The following GRIN2B variants were observed in gnomAD, a reference collection of about 807,000 sequenced individuals.
The protein encoded by GRIN2B is glutamate receptor ionotropic, NMDA 2B.
A neutral mutation model predicts 114.5 loss-of-function variants in GRIN2B; 5 were observed. The ratio of observed to expected loss-of-function variants is 0.04; its 90% confidence interval spans 0.02 to 0.09. The LOEUF (loss-of-function observed/expected upper bound fraction) is 0.09. Among genes scored for constraint, GRIN2B ranks in the 10% least tolerant of loss-of-function variants. GRIN2B has a pLI of 1.00. For synonymous variants in GRIN2B, 787 were observed against 745.1 expected (o/e 1.06, Z -0.92); for missense variants, 1,108 against 1,943.5 (o/e 0.57, Z 8.08).
intron 4 of GRIN2B, among the ~76,000 whole-genome samples, chr12:13,696,170 A>G (rs948620883): frequency 6.6e-6 from 1 of 152,172 alleles, no homozygotes; most frequent in African/African-American, 2.4e-5. Context: ...AGCATTAATG[A>G]AGACCAAGAA....
intron 4 of GRIN2B, among the ~76,000 whole-genome samples, chr12:13,706,557 A>T (rs1399893423): frequency 6.6e-6 from 1 of 152,114 alleles, no homozygotes; most frequent in African/African-American, 2.4e-5. Context: ...ATGTTGCTGT[A>T]TGGACAGCAG....
At chr12:13,600,466 A>G (rs945587433) in intron 10 of GRIN2B, among the ~76,000 whole-genome samples, 1 of 151,722 alleles carries the variant, frequency 6.6e-6, no homozygotes, top group African/African-American at 2.4e-5. Flanking sequence ...TGGTACCTTT[A>G]TGTAGTCTTG....
rs980672613 is a variant in GRIN2B at position 13,926,494 on chromosome 12, G to C, written c.-19+53434C>G. Among the ~76,000 whole-genome samples, 8 of 152,106 alleles carry C rather than the reference G, an allele frequency of 5.3e-5. No individual in the cohort carries two copies. The East Asian group carries it at 1.5e-3, about 29-fold the overall frequency. On this transcript the variant is annotated intron_variant, in intron 2 of 13. Transcript: ENST00000609686. The stretch of plus-strand genomic sequence containing the variant: ...CATGTGCTCAGAGACCACCTTGTAC[G>C]ATAACCCTCCTTCCCCAGTTTCTCC...
intron 10 of GRIN2B, among the ~76,000 whole-genome samples, chr12:13,600,998 G>T (rs147605764): frequency 6.6e-6 from 1 of 152,190 alleles, no homozygotes; most frequent in African/African-American, 2.4e-5. Context: ...AAGGAGAGGG[G>T]AACTGAATCT....
At chr12:13,739,871 G>A (rs1167818839) in intron 4 of GRIN2B, among the ~76,000 whole-genome samples, 1 of 152,198 alleles carries the variant, frequency 6.6e-6, no homozygotes, top group African/African-American at 2.4e-5. Flanking sequence ...ACGCTGCTGA[G>A]TAGCACCGGG....
intron 12 of GRIN2B, among the ~76,000 whole-genome samples, chr12:13,568,322 TG>T (rs1306495936): frequency 3.3e-5 from 5 of 152,164 alleles, no homozygotes; most frequent in African/African-American, 1.2e-4. Context: ...TGGAGAAAAT[TG>T]CCTATTCCCA....
chr12:13,759,855 G>A (rs1172362039), intron 3 of GRIN2B, among the ~76,000 whole-genome samples: 1 of 152,138 alleles, frequency 6.6e-6, no homozygotes, highest in Admixed American at 6.5e-5. Context: ...TCCCATATTG[G>A]CCCTTGGGTC....
At chr12:13,728,233 T>G (rs993823367) in intron 4 of GRIN2B, among the ~76,000 whole-genome samples, 5 of 152,240 alleles carry the variant, frequency 3.3e-5, no homozygotes, top group Non-Finnish European at 5.9e-5. Context: ...CTCAGATTCA[T>G]GCACTGAGTA....
chr12:13,703,945 C>T (rs892658079), intron 4 of GRIN2B, among the ~76,000 whole-genome samples: 1 of 152,166 alleles, frequency 6.6e-6, no homozygotes, highest in Non-Finnish European at 1.5e-5. Context: ...ATACAGATTC[C>T]TCATACATTC....
chr12:13,749,180 T>C (rs1288727800), intron 4 of GRIN2B, among the ~76,000 whole-genome samples: 1 of 152,230 alleles, frequency 6.6e-6, no homozygotes, highest in African/African-American at 2.4e-5. Context: ...CATAAAAATA[T>C]ATTCTTCCTT....
At position 13,564,286 on chromosome 12, in the gene GRIN2B, G is replaced by A. The variant is rs1948604218; in HGVS notation, c.2952C>T (p.His984=). ...TATGGGGCCGGTGGTGATGGTGGTA[G>A]TGATCTTGGTACACGTTGCTGTCCT... is the stretch of plus-strand genomic sequence containing the variant. ...QLKDSNVYQD[H]YHHHHRPHSI... is the part of the protein sequence containing the mutation. Residue 984 remains histidine, a synonymous_variant, in exon 14 of 14, where the codon CAC becomes CAT. Coordinates refer to ENST00000609686, the MANE Select transcript of GRIN2B (RefSeq NM_000834.5). This position sits in a 1 kb window ranked among gnomAD's most constrained non-coding sequence, Gnocchi z 4.8. 1 of 1,614,192 alleles carries A rather than the reference G, an allele frequency of 6.2e-7. No homozygotes were observed. Among genetic ancestry groups the A allele is most frequent in the Non-Finnish European group, 8.5e-7 (1 of 1,180,032 alleles).
chr12:13,936,986 T>C (rs1172264150), intron 2 of GRIN2B, among the ~76,000 whole-genome samples: 2 of 151,754 alleles, frequency 1.3e-5, no homozygotes, highest in African/African-American at 4.8e-5. Context: ...ATAATATCAT[T>C]GATCTATTCT....
intron 5 of GRIN2B, among the ~76,000 whole-genome samples, chr12:13,671,125 G>T (rs1950018495): frequency 6.6e-6 from 1 of 152,042 alleles, no homozygotes; most frequent in South Asian, 2.1e-4. Context: ...CTTTTTACTG[G>T]ATACTCTTTT....
chr12:13,605,678 T>C (rs1480700954), intron 10 of GRIN2B, among the ~76,000 whole-genome samples: 1 of 152,052 alleles, frequency 6.6e-6, no homozygotes, highest in Non-Finnish European at 1.5e-5. Flanking sequence ...TCCTGTCCGC[T>C]TTAAGAAGCC....
At chr12:13,703,728 G>A (rs1950332739) in intron 4 of GRIN2B, among the ~76,000 whole-genome samples, 1 of 152,086 alleles carries the variant, frequency 6.6e-6, no homozygotes, top group East Asian at 1.9e-4. Flanking sequence ...CACCCTCATA[G>A]GCATATCTTT....
intron 3 of GRIN2B, among the ~76,000 whole-genome samples, chr12:13,844,690 A>G (rs140315889): frequency 6.6e-6 from 1 of 152,246 alleles, no homozygotes; most frequent in East Asian, 1.9e-4. Context: ...TTGACATATC[A>G]TTTAACTTCT....
intron 2 of GRIN2B, among the ~76,000 whole-genome samples, chr12:13,885,074 C>A (rs1189333717): frequency 6.6e-6 from 1 of 151,824 alleles, no homozygotes; most frequent in African/African-American, 2.4e-5. Flanking sequence ...ATGCTGCAGA[C>A]AAGATAATAG....
intron 3 of GRIN2B, among the ~76,000 whole-genome samples, chr12:13,848,528 G>GA (rs926999185): frequency 2.0e-4 from 30 of 151,818 alleles, no homozygotes; most frequent in African/African-American, 5.8e-4. Flanking sequence ...GAAAAGGAAG[G>GA]AAAAAATGGT....
rs1222385100 is a variant in GRIN2B, at chr12:13,551,736, G to C, written c.*11047C>G. On this transcript the variant is annotated 3_prime_UTR_variant, in exon 14 of 14. Coordinates refer to ENST00000609686, the MANE Select transcript of GRIN2B (RefSeq NM_000834.5). ...AATTCTGTGTAGTTGTGCTGTTCAGGTGAATATCTGAGAGCAAAGTATAAA... is the reference window on the plus strand; with the variant it reads ...AATTCTGTGTAGTTGTGCTGTTCAGCTGAATATCTGAGAGCAAAGTATAAA... 1 of 152,134 alleles carries C rather than the reference G, an allele frequency of 6.6e-6. No homozygotes were observed. Among genetic ancestry groups the C allele is most frequent in the Non-Finnish European group, 1.5e-5 (1 of 68,022 alleles). The allele number at this position is 152,134 out of a possible 1,614,324, so 9.4% of individuals were successfully genotyped here.
Sources: allele counts gnomAD v4.1 joint callset (sites outside exome capture counted in the v4.1 genomes callset), GRCh38; gene constraint gnomAD v4.1.1; non-coding constraint Gnocchi (gnomAD v3.1); transcripts MANE v1.5; gene names NCBI Gene and HGNC (gene_info 2026-07-23, HGNC 2026-07-21).